Variants in PIK3R3 observed in about 807,000 individuals in gnomAD.
The protein encoded by PIK3R3 is phosphatidylinositol 3-kinase regulatory subunit gamma.
In PIK3R3, 64 loss-of-function variants were observed where a neutral mutation model predicts 62.9. The observed-to-expected ratio is 1.02, with a 90% CI of 0.83 to 1.25. The LOEUF is 1.25. Among genes scored for constraint, PIK3R3 ranks in the 50% most tolerant of loss-of-function variants. PIK3R3 has a pLI of 0.00. For missense variants in PIK3R3, 614 were observed against 561.6 expected (o/e 1.09, Z -0.94); for synonymous variants, 165 against 189.0 (o/e 0.87, Z 1.04).
chr1:46,073,448 C>G (rs1421594331), intron 3 of PIK3R3, among the ~76,000 whole-genome samples: 1 of 152,050 alleles, frequency 6.6e-6, no homozygotes, highest in African/African-American at 2.4e-5. Flanking sequence ...CTGGACTCAC[C>G]CAGTGTAAAT....
chr1:46,065,479 C>CA (rs1393259718), intron 5 of PIK3R3, among the ~76,000 whole-genome samples: 1 of 152,242 alleles, frequency 6.6e-6, no homozygotes, highest in Non-Finnish European at 1.5e-5. Flanking sequence ...TAGCTGAACA[C>CA]ACCTGACCAA....
chr1:46,162,108 AG>A, the PIK3R3 span, among the ~76,000 whole-genome samples: 1 of 150,520 alleles, frequency 6.6e-6, no homozygotes, highest in Non-Finnish European at 1.5e-5. Flanking sequence ...AAAAAAAAAA[AG>A]ATTTTCTTCA....
At chr1:46,106,620 T>C (rs1557616511) in intron 1 of PIK3R3, among the ~76,000 whole-genome samples, 1 of 152,304 alleles carries the variant, frequency 6.6e-6, no homozygotes, top group East Asian at 1.9e-4. Flanking sequence ...ACTTTAAATA[T>C]ATTCTAGAAG....
intron 1 of PIK3R3, among the ~76,000 whole-genome samples, chr1:46,087,589 C>T (rs1207384589): frequency 8.0e-6 from 1 of 125,228 alleles, no homozygotes; most frequent in Non-Finnish European, 1.7e-5. Context: ...AAAACATATT[C>T]ATCTTTTTTT....
At chr1:46,157,717 G>T in the PIK3R3 span, among the ~76,000 whole-genome samples, 1 of 152,234 alleles carries the variant, frequency 6.6e-6, no homozygotes, top group Non-Finnish European at 1.5e-5. Context: ...TCCCTGTTCA[G>T]AAAGTTGGTC....
rs1329897359 is a variant in PIK3R3 at position 46,060,391 on chromosome 1, GA to G, written c.764+1537del. On this transcript the variant is annotated intron_variant, in intron 6 of 9. Transcript: ENST00000262741. ...TGTAATCCCAGCGACTCAGGAGGCT[GA>G]GATACAAGAATCGCTTGAACCCAGG... is the stretch of plus-strand genomic sequence containing the variant. Among the ~76,000 whole-genome samples, 5 of 151,770 alleles carry G rather than the reference GA, an allele frequency of 3.3e-5. No homozygotes were observed. The East Asian group carries it at 9.7e-4, about 30-fold the overall frequency.
chr1:46,172,447 G>A, the PIK3R3 span, among the ~76,000 whole-genome samples: 1 of 152,110 alleles, frequency 6.6e-6, no homozygotes, highest in Admixed American at 6.5e-5. Flanking sequence ...GCATGATCTT[G>A]GCTGCAACCT....
the PIK3R3 span, among the ~76,000 whole-genome samples, chr1:46,143,470 G>T: frequency 6.8e-3 from 1,037 of 151,996 alleles, 10 homozygotes; most frequent in African/African-American, 0.024. Context: ...TTGAGACAGG[G>T]TCTCACTGTG....
intron 2 of PIK3R3, among the ~76,000 whole-genome samples, chr1:46,078,208 T>G (rs1226590031): frequency 6.6e-6 from 1 of 152,204 alleles, no homozygotes; most frequent in Non-Finnish European, 1.5e-5. Flanking sequence ...AAGACTTTTA[T>G]TGTACAATAT....
intron 1 of PIK3R3, among the ~76,000 whole-genome samples, chr1:46,109,540 G>A (rs993902700): frequency 6.6e-6 from 1 of 151,950 alleles, no homozygotes; most frequent in Non-Finnish European, 1.5e-5. Flanking sequence ...CTGAAGTACA[G>A]TGACGCAATC....
At chr1:46,171,525 G>A in the PIK3R3 span, among the ~76,000 whole-genome samples, 1 of 152,200 alleles carries the variant, frequency 6.6e-6, no homozygotes, top group Non-Finnish European at 1.5e-5. Context: ...GGGGGTGTGG[G>A]TGAGGGCACT....
upstream of PIK3R3, among the ~76,000 whole-genome samples, chr1:46,137,084 G>A (rs144153341): frequency 7.9e-5 from 12 of 151,934 alleles, no homozygotes; most frequent in Non-Finnish European, 8.8e-5. Context: ...CCAGAGCAAT[G>A]AGGGGATTTG....
Position 46,044,221 on chromosome 1 carries a change from G to A in PIK3R3, c.1188-350C>T, listed in dbSNP as rs1001545976. Reference sequence around the variant, plus strand: ...TTCCCAAGTAGCCGGGACTACAGGTGTGAGCCACATGCCCAGCTACTTTTT... The same window carrying A: ...TTCCCAAGTAGCCGGGACTACAGGTATGAGCCACATGCCCAGCTACTTTTT... On this transcript the variant is annotated intron_variant, in intron 9 of 9. Transcript: ENST00000262741. The surrounding 1 kb of genome is among the most constrained non-coding windows in gnomAD (Gnocchi z 4.2). 5.3e-5 allele frequency among the ~76,000 whole-genome samples: 8 copies of A among 152,018 alleles called. No individual in the cohort carries two copies. Among genetic ancestry groups the A allele is most frequent in the Non-Finnish European group, 2.9e-5 (2 of 68,018 alleles).
chr1:46,051,481 G>T (rs1199686018), intron 7 of PIK3R3, among the ~76,000 whole-genome samples: 2 of 151,796 alleles, frequency 1.3e-5, no homozygotes, highest in Non-Finnish European at 2.9e-5. Context: ...GGCTGGTCTC[G>T]AACTCCTGAC....
At chr1:46,162,007 G>C in the PIK3R3 span, among the ~76,000 whole-genome samples, 1 of 151,664 alleles carries the variant, frequency 6.6e-6, no homozygotes, top group Non-Finnish European at 1.5e-5. Flanking sequence ...CAGGAGAATG[G>C]TGTGAACCCG....
rs1359381708 is a variant in PIK3R3 at position 46,041,471 on chromosome 1, C to T, written c.*2202G>A. 3 of 174,960 alleles carry T rather than the reference C, an allele frequency of 1.7e-5. No individual in the cohort carries two copies. Among genetic ancestry groups the T allele is most frequent in the South Asian group, 2.0e-4 (1 of 5,008 alleles). 10.8% of individuals were successfully genotyped at this position (174,960 alleles called of 1,614,324 possible). A position where few individuals can be genotyped will look rare whatever the true frequency, so the allele number is the denominator to read the frequency against. The stretch of plus-strand genomic sequence containing the variant: ...TGGTACTTGGTCTCTCCCTGCACAC[C>T]GCTGGTGTCTGCCCAACAAGGAGCA... On this transcript the variant is annotated 3_prime_UTR_variant, in exon 10 of 10. Coordinates refer to ENST00000262741, the MANE Select transcript of PIK3R3 (RefSeq NM_003629.4).
intron 7 of PIK3R3, among the ~76,000 whole-genome samples, chr1:46,054,079 T>C (rs1218183623): frequency 2.0e-5 from 3 of 152,092 alleles, no homozygotes; most frequent in African/African-American, 4.8e-5. Flanking sequence ...CATGGTGTAG[T>C]TGTAATTGTT....
At chr1:46,063,609 A>C (rs1648720478) in intron 5 of PIK3R3, among the ~76,000 whole-genome samples, 1 of 152,194 alleles carries the variant, frequency 6.6e-6, no homozygotes, top group Middle Eastern at 3.2e-3. Context: ...ATTTGATATC[A>C]CTACTAAGTC....
At chr1:46,093,052 C>T (rs951705555) in intron 1 of PIK3R3, among the ~76,000 whole-genome samples, 1 of 152,226 alleles carries the variant, frequency 6.6e-6, no homozygotes, top group Admixed American at 6.5e-5. Flanking sequence ...AAATTTACCT[C>T]TCTCCCATTC....
Sources: gnomAD v4.1 joint callset for allele counts (sites outside exome capture counted in the v4.1 genomes callset) on GRCh38, gnomAD v4.1.1 for gene constraint, Gnocchi (gnomAD v3.1) non-coding constraint, MANE v1.5 for transcripts, NCBI Gene and HGNC (gene_info 2026-07-23, HGNC 2026-07-21) for gene names.